PRKN: variants seen among roughly 807,000 people sequenced by gnomAD.
The protein encoded by PRKN is parkin RBR E3 ubiquitin protein ligase.
A neutral mutation model predicts 59.5 loss-of-function variants in PRKN; 56 were observed. The observed-to-expected ratio is 0.94, with a 90% confidence interval of 0.76 to 1.18. The LOEUF (loss-of-function observed/expected upper bound fraction) is 1.18, where lower values mean the gene tolerates loss of function less well. PRKN is among the 50% of genes most tolerant of loss of function. PRKN has a pLI of 0.00. For synonymous variants in PRKN, 250 were observed against 222.1 expected (o/e 1.13, Z -1.12); for missense variants, 657 against 596.4 (o/e 1.10, Z -1.06).
At chr6:161,634,802 A>T (rs770663199) in intron 7 of PRKN, among the ~76,000 whole-genome samples, 3 of 152,230 alleles carry the variant, frequency 2.0e-5, no homozygotes, top group African/African-American at 7.2e-5. Context: ...AGTCCAACTA[A>T]TCAACAAATG....
intron 7 of PRKN, among the ~76,000 whole-genome samples, chr6:161,664,338 A>G (rs1784651222): frequency 6.6e-6 from 1 of 152,202 alleles, no homozygotes; most frequent in Admixed American, 6.5e-5. Flanking sequence ...GGGGTGTACA[A>G]ATGGCACTTA....
chr6:162,617,259 T>A (rs1782462959), intron 1 of PRKN, among the ~76,000 whole-genome samples: 1 of 152,048 alleles, frequency 6.6e-6, no homozygotes, highest in South Asian at 2.1e-4. Flanking sequence ...TGAGACGGAG[T>A]CACACTCTGT....
intron 4 of PRKN, among the ~76,000 whole-genome samples, chr6:162,060,287 G>A (rs1343636056): frequency 2.6e-5 from 4 of 152,186 alleles, no homozygotes; most frequent in East Asian, 1.9e-4. Context: ...CCGAGAAGAC[G>A]GTGATAGAGA....
At chr6:162,263,536 T>C (rs775040461) in intron 2 of PRKN, among the ~76,000 whole-genome samples, 1 of 152,204 alleles carries the variant, frequency 6.6e-6, no homozygotes, top group Non-Finnish European at 1.5e-5. Flanking sequence ...GAAAAGGTTT[T>C]GCATCTACAT....
At chr6:162,487,006 G>A (rs926297328) in intron 1 of PRKN, among the ~76,000 whole-genome samples, 8 of 151,970 alleles carry the variant, frequency 5.3e-5, no homozygotes, top group Non-Finnish European at 1.0e-4. Flanking sequence ...GGAGGCAGAG[G>A]TTGCAGTGAG....
chr6:162,004,804 A>T (rs1583467272), intron 5 of PRKN, among the ~76,000 whole-genome samples: 2 of 152,326 alleles, frequency 1.3e-5, no homozygotes, highest in South Asian at 2.1e-4. Context: ...TCACTTCCTA[A>T]GTGGCTCCTC....
chr6:162,640,941 T>C (rs1777933159), intron 1 of PRKN, among the ~76,000 whole-genome samples: 1 of 152,134 alleles, frequency 6.6e-6, no homozygotes, highest in Non-Finnish European at 1.5e-5. Context: ...AAGGTCATAT[T>C]CCAGGAACAG....
At chr6:162,612,012 C>T (rs6920444) in intron 1 of PRKN, among the ~76,000 whole-genome samples, 1,910 of 149,452 alleles carry the variant, frequency 0.013, 39 homozygotes, top group African/African-American at 0.041. Context: ...GGTGAAACCC[C>T]GTCTCTACTA....
Position 161,423,071 on chromosome 6 carries a change from C to T in PRKN, c.1084-36194G>A, listed in dbSNP as rs1416402206. Among the ~76,000 whole-genome samples, 16 of 152,144 alleles carry T rather than the reference C, an allele frequency of 1.1e-4. No homozygotes were observed. Among genetic ancestry groups the T allele is most frequent in the Admixed American group, 2.0e-4 (3 of 15,268 alleles). On this transcript the variant is annotated intron_variant, in intron 9 of 11. Coordinates refer to ENST00000366898, the MANE Select transcript of PRKN (RefSeq NM_004562.3). The surrounding 1 kb of genome is among the most constrained non-coding windows in gnomAD (Gnocchi z 5.9). ...TGTCAGTATCGTAGTGAGAAATGCACGCACTATGAGAAGGCCTTGAAACAT... is the reference window on the plus strand; with the variant it reads ...TGTCAGTATCGTAGTGAGAAATGCATGCACTATGAGAAGGCCTTGAAACAT...
intron 7 of PRKN, among the ~76,000 whole-genome samples, chr6:161,635,810 C>T (rs866275411): frequency 2.0e-5 from 3 of 152,176 alleles, no homozygotes; most frequent in Admixed American, 6.5e-5. Context: ...AATCTCAGAA[C>T]TTTAAGTAAC....
chr6:161,478,599 C>G (rs1428462314), intron 9 of PRKN, among the ~76,000 whole-genome samples: 1 of 152,206 alleles, frequency 6.6e-6, no homozygotes, highest in African/African-American at 2.4e-5. Context: ...AATCCCACCA[C>G]TTTGGGAGGC....
intron 5 of PRKN, among the ~76,000 whole-genome samples, chr6:162,011,231 ATATAATT>A (rs376374150): frequency 2.6e-4 from 5 of 19,308 alleles, no homozygotes; most frequent in South Asian, 1.6e-3. Flanking sequence ...TATTTATAAT[ATATAATT>A]TATAATATAT....
At chr6:162,008,800 T>C (rs1782363112) in intron 5 of PRKN, among the ~76,000 whole-genome samples, 1 of 152,164 alleles carries the variant, frequency 6.6e-6, no homozygotes, top group African/African-American at 2.4e-5. Context: ...TTATTTAGCC[T>C]TACAATATTT....
rs1365885514 is a variant in PRKN, at chr6:161,385,541, A to G, written c.1167+1253T>C. Among the ~76,000 whole-genome samples, 1 of 152,204 alleles carries G rather than the reference A, an allele frequency of 6.6e-6. No individual in the cohort carries two copies. The highest frequency in any genetic ancestry group is 2.4e-5 in the African/African-American group (1 of 41,458). On this transcript the variant is annotated intron_variant, in intron 10 of 11. Coordinates refer to ENST00000366898, the MANE Select transcript of PRKN (RefSeq NM_004562.3). This position sits in a 1 kb window ranked among gnomAD's most constrained non-coding sequence, Gnocchi z 4.9. ...GCGCCTGGATGGCTTTAGGTTAAGC[A>G]ATGCTCTTCTTTCCCTTACAGCTAC...
chr6:161,734,347 C>G (rs1003019016), intron 7 of PRKN, among the ~76,000 whole-genome samples: 2 of 152,168 alleles, frequency 1.3e-5, no homozygotes, highest in Admixed American at 1.3e-4. Flanking sequence ...TCTTCCCTAG[C>G]TGTAATATCT....
At chr6:162,472,495 T>TTA (rs1791805966) in intron 1 of PRKN, among the ~76,000 whole-genome samples, 1 of 93,712 alleles carries the variant, frequency 1.1e-5, no homozygotes, top group Non-Finnish European at 2.3e-5. Context: ...TTATTTTATT[T>TTA]TTTGAGACGG....
intron 1 of PRKN, among the ~76,000 whole-genome samples, chr6:162,576,832 A>G (rs905707974): frequency 9.2e-5 from 13 of 142,072 alleles, no homozygotes; most frequent in Admixed American, 2.9e-4. Flanking sequence ...AAAAAAAAAA[A>G]GGGACTACTT....
intron 6 of PRKN, among the ~76,000 whole-genome samples, chr6:161,793,247 C>T (rs1418613183): frequency 6.6e-6 from 1 of 152,160 alleles, no homozygotes; most frequent in African/African-American, 2.4e-5. Flanking sequence ...GTTCAGTTGT[C>T]CATTGGCCTG....
At chr6:162,718,022 A>G (rs918385637) in intron 1 of PRKN, among the ~76,000 whole-genome samples, 16 of 152,222 alleles carry the variant, frequency 1.1e-4, no homozygotes, top group Admixed American at 7.2e-4. Flanking sequence ...ATTTGCCGGT[A>G]TACTTCCTGA....
Sources: allele counts gnomAD v4.1 joint callset (sites outside exome capture counted in the v4.1 genomes callset), GRCh38; gene constraint gnomAD v4.1.1; non-coding constraint Gnocchi (gnomAD v3.1); transcripts MANE v1.5; gene names NCBI Gene and HGNC (gene_info 2026-07-23, HGNC 2026-07-21).